Variants in PLB1 observed in about 807,000 individuals in gnomAD.
PLB1 encodes phospholipase B1, membrane-associated.
Under a neutral mutation model 227.4 loss-of-function variants are expected in PLB1, and 242 were observed. The observed-to-expected ratio is 1.06, with a 90% CI of 0.96 to 1.18. PLB1 has a LOEUF of 1.18. Ranked by LOEUF, PLB1 falls within the 50% of genes most tolerant of loss-of-function variation. PLB1 has a pLI of 0.00. For missense variants in PLB1, 1,858 were observed against 1,816.3 expected (o/e 1.02, Z -0.42); for synonymous variants, 757 against 682.2 (o/e 1.11, Z -1.71).
At chr2:28,545,656 G>T (rs1558721119) in intron 14 of PLB1, among the ~76,000 whole-genome samples, 1 of 152,182 alleles carries the variant, frequency 6.6e-6, no homozygotes, top group Non-Finnish European at 1.5e-5. Context: ...GGAGGGCATT[G>T]GGCTCCTTCC....
chr2:28,608,108 A>G (rs1284938819), intron 43 of PLB1, among the ~76,000 whole-genome samples: 1 of 152,162 alleles, frequency 6.6e-6, no homozygotes. Context: ...ACAGAGCCCA[A>G]TGGAGCCACT....
intron 48 of PLB1, 26 bp downstream of exon 48, chr2:28,620,669 A>G: frequency 1.9e-6 from 3 of 1,613,586 alleles, no homozygotes; most frequent in Non-Finnish European, 2.5e-6. Context: ...GAGAGGCACC[A>G]TCACTGTGGC....
intron 54 of PLB1, among the ~76,000 whole-genome samples, chr2:28,631,036 C>A (rs1688553401): frequency 6.6e-6 from 1 of 152,054 alleles, no homozygotes; most frequent in East Asian, 1.9e-4. Context: ...CGTCTGGTGT[C>A]CCAGCTACTC....
At chr2:28,623,524 A>G (rs575215101) in intron 49 of PLB1, among the ~76,000 whole-genome samples, 1 of 152,156 alleles carries the variant, frequency 6.6e-6, no homozygotes, top group Non-Finnish European at 1.5e-5. Flanking sequence ...TGGTATACTC[A>G]TCAATAGCAA....
Position 28,585,779 on chromosome 2 carries a change from C to T in PLB1, c.1752C>T (p.Val584=). ...TCTACAGGTCTCTGTGTCCCTGTGT[C>T]CTGAAGTTTGATGATAACTCAACAG... ...RMILRSLCPC[V]LKFDDNSTEL... is the part of the protein sequence containing the mutation. The change falls in exon 26 of 58, where the codon GTC becomes GTT. Residue 584 remains valine (V), a synonymous_variant. Transcript: ENST00000327757. 2 of 1,610,232 alleles carry T rather than the reference C, an allele frequency of 1.2e-6. No individual in the cohort carries two copies. The highest frequency in any genetic ancestry group is 2.2e-5 in the South Asian group (2 of 90,996).
Position 28,620,224 on chromosome 2 carries a change from G to A in PLB1, c.3316-41G>A, listed in dbSNP as rs752149862. On this transcript the variant is annotated intron_variant, in intron 46 of 57. Coordinates refer to ENST00000327757, the MANE Select transcript of PLB1 (RefSeq NM_153021.5). ...AGAGGAGGCTCTTCCAGTGCCCTCA[G>A]CCTATACCCCAGCCCTGAACTTTCT... The A allele has an allele frequency of 3.4e-6, 5 of 1,487,404 alleles. No homozygotes were observed. In the East Asian group the frequency reaches 7.0e-5, roughly 21 times the overall value. The allele number at this position is 1,487,404 out of a possible 1,614,324, so 92.1% of individuals were successfully genotyped here.
intron 20 of PLB1, among the ~76,000 whole-genome samples, chr2:28,571,910 G>A (rs1371781058): frequency 6.6e-6 from 1 of 151,878 alleles, no homozygotes; most frequent in Non-Finnish European, 1.5e-5. Context: ...ACTAAGACAA[G>A]TGACAAAAGA....
At chr2:28,597,970 T>C in intron 33 of PLB1, 35 bp from the exon 34 acceptor site, 1 of 1,593,246 alleles carries the variant, frequency 6.3e-7, no homozygotes, top group Non-Finnish European at 8.6e-7. Flanking sequence ...AATATGTCTC[T>C]CCCTCTCATT....
chr2:28,606,083 A>G (rs1684638272), intron 42 of PLB1, 135 bp downstream of exon 42: 3 of 710,660 alleles, frequency 4.2e-6, no homozygotes, highest in Middle Eastern at 3.5e-4. Context: ...ATGCAGTTGG[A>G]AATGCGGAGT....
intron 25 of PLB1, among the ~76,000 whole-genome samples, chr2:28,584,071 A>G (rs531787337): frequency 6.6e-6 from 1 of 151,924 alleles, no homozygotes; most frequent in South Asian, 2.1e-4. Context: ...CAGCTCTGTT[A>G]CTCGGTACAG....
chr2:28,543,935 C>T lies in PLB1; in HGVS notation c.936+667C>T, dbSNP rs375160362. Among the ~76,000 whole-genome samples the T allele has an allele frequency of 3.1e-4, 47 of 152,336 alleles. 1 individual carries two copies. The highest frequency in any genetic ancestry group is 1.1e-3 in the African/African-American group (45 of 41,588). On this transcript the variant is annotated intron_variant, in intron 14 of 57. Coordinates refer to ENST00000327757, the MANE Select transcript of PLB1 (RefSeq NM_153021.5). ...TTAGTCAGGGGATGGAATGTGGCGT[C>T]GACGTCGAGGCTTTGAACCTTTTCA...
chr2:28,532,918 C>T (rs1004958900), intron 9 of PLB1, among the ~76,000 whole-genome samples: 2 of 152,122 alleles, frequency 1.3e-5, no homozygotes, highest in Non-Finnish European at 2.9e-5. Context: ...GAAGATCATT[C>T]AGATTAGGAT....
chr2:28,587,014 G>A (rs1681011631), intron 26 of PLB1, among the ~76,000 whole-genome samples: 2 of 152,176 alleles, frequency 1.3e-5, no homozygotes, highest in African/African-American at 4.8e-5. Flanking sequence ...CTTCCAAAGT[G>A]CTGGGATTGC....
intron 4 of PLB1, among the ~76,000 whole-genome samples, chr2:28,523,428 G>A (rs1347359441): frequency 1.3e-5 from 2 of 150,742 alleles, no homozygotes; most frequent in East Asian, 3.9e-4. Flanking sequence ...TTCCTTGAGG[G>A]TAGAGCCTGT....
rs756732257 is a variant in PLB1, at chr2:28,548,866, C to G, written c.943C>G (p.Pro315Ala). 1.2e-6 allele frequency: 2 copies of G among 1,614,028 alleles called. No individual in the cohort carries two copies. Among genetic ancestry groups the G allele is most frequent in the African/African-American group, 1.3e-5 (1 of 75,010 alleles). The change falls in exon 15 of 58, where the codon CCA becomes GCA. Residue 315 changes from proline to alanine, a missense_variant. By Grantham distance (27) the Pro-to-Ala change is conservative. Coordinates refer to ENST00000327757, the MANE Select transcript of PLB1 (RefSeq NM_153021.5). The part of the protein sequence containing the change: ...AWHLWNRMME[P>A]AGEKDEPLSV... ...AGCCCACGTTCCTTTCTAGATGGAG[C>G]CAGCAGGAGAGAAAGATGAGCCATT... is the stretch of plus-strand genomic sequence containing the variant.
intron 50 of PLB1, 95 bp downstream of exon 50, chr2:28,625,203 T>A: frequency 8.3e-7 from 1 of 1,199,834 alleles, no homozygotes; most frequent in Non-Finnish European, 1.2e-6. Context: ...ACCACAGCAC[T>A]TCCTGCTTTG....
intron 15 of PLB1, among the ~76,000 whole-genome samples, chr2:28,549,685 A>C (rs890842844): frequency 1.3e-5 from 2 of 152,216 alleles, no homozygotes; most frequent in Non-Finnish European, 2.9e-5. Flanking sequence ...ATAAGTATAC[A>C]ATTCACCTTC....
chr2:28,570,174 T>C (rs1200174604), intron 20 of PLB1, among the ~76,000 whole-genome samples: 1 of 151,996 alleles, frequency 6.6e-6, no homozygotes, highest in Non-Finnish European at 1.5e-5. Context: ...CACAACTCAT[T>C]CTATGAGTTT....
chr2:28,524,546 C>G (rs544976420), intron 4 of PLB1, among the ~76,000 whole-genome samples: 2 of 152,104 alleles, frequency 1.3e-5, no homozygotes, highest in Admixed American at 1.3e-4. Flanking sequence ...AGGCACTGTT[C>G]TAGGTCCAAG....
Sources: gnomAD v4.1 joint callset for allele counts (sites outside exome capture counted in the v4.1 genomes callset) on GRCh38, gnomAD v4.1.1 for gene constraint, MANE v1.5 for transcripts, NCBI Gene and HGNC (gene_info 2026-07-23, HGNC 2026-07-21) for gene names.